ARHGEF38: variants seen among roughly 807,000 people sequenced by gnomAD.
The protein encoded by ARHGEF38 is Rho guanine nucleotide exchange factor 38, also known as Rho guanine nucleotide exchange factor (GEF) 38.
ARHGEF38 carries 79 observed loss-of-function variants against 79.9 expected under a neutral mutation model. The ratio of observed to expected loss-of-function variants is 0.99; its 90% confidence interval spans 0.82 to 1.19. ARHGEF38 has a LOEUF of 1.19. ARHGEF38 is among the 50% of genes most tolerant of loss of function. ARHGEF38 has a pLI of 0.00. For synonymous variants in ARHGEF38, 366 were observed against 328.3 expected (o/e 1.11, Z -1.24); for missense variants, 962 against 907.2 (o/e 1.06, Z -0.78).
chr4:105,634,453 G>A (rs181274001), intron 4 of ARHGEF38, among the ~76,000 whole-genome samples: 1 of 152,232 alleles, frequency 6.6e-6, no homozygotes, highest in East Asian at 1.9e-4. Context: ...GTGAAATACT[G>A]TATTAAAATA....
intron 10 of ARHGEF38, among the ~76,000 whole-genome samples, chr4:105,661,355 G>A (rs1255263915): frequency 6.6e-6 from 1 of 151,820 alleles, no homozygotes; most frequent in Non-Finnish European, 1.5e-5. Flanking sequence ...GGAATTTCTG[G>A]ATCATATGTT....
At chr4:105,612,060 A>G (rs1728317805) in intron 2 of ARHGEF38, among the ~76,000 whole-genome samples, 1 of 152,120 alleles carries the variant, frequency 6.6e-6, no homozygotes, top group South Asian at 2.1e-4. Context: ...ATGCTTCCAC[A>G]TTCAATGACA....
chr4:105,669,391 C>T (rs1730882403), intron 13 of ARHGEF38, among the ~76,000 whole-genome samples: 2 of 152,208 alleles, frequency 1.3e-5, no homozygotes, highest in Non-Finnish European at 1.5e-5. Context: ...AGGGGCTTGT[C>T]CATCTATTTT....
chr4:105,672,436 C>G (rs1730986370), intron 13 of ARHGEF38, among the ~76,000 whole-genome samples: 1 of 152,128 alleles, frequency 6.6e-6, no homozygotes, highest in Admixed American at 6.5e-5. Flanking sequence ...CCTGGCAGTA[C>G]TGATTTATAC....
chr4:105,586,875 C>A (rs942607147), intron 1 of ARHGEF38, among the ~76,000 whole-genome samples: 1 of 151,972 alleles, frequency 6.6e-6, no homozygotes, highest in South Asian at 2.1e-4. Context: ...GAGTAAAGGA[C>A]GTCCCTCACA....
chr4:105,618,141 A>G (rs1032728822), intron 3 of ARHGEF38, among the ~76,000 whole-genome samples: 1 of 152,228 alleles, frequency 6.6e-6, no homozygotes, highest in Middle Eastern at 3.2e-3. Flanking sequence ...TCTATTTACC[A>G]TAATTTCCTC....
At chr4:105,623,021 G>A (rs1172389992) in intron 3 of ARHGEF38, among the ~76,000 whole-genome samples, 1 of 152,138 alleles carries the variant, frequency 6.6e-6, no homozygotes, top group Non-Finnish European at 1.5e-5. Flanking sequence ...TAAGTAAATA[G>A]CAATGGATTC....
At chr4:105,600,884 T>C (rs1484193433) in intron 2 of ARHGEF38, among the ~76,000 whole-genome samples, 1 of 152,162 alleles carries the variant, frequency 6.6e-6, no homozygotes, top group East Asian at 1.9e-4. Flanking sequence ...ATCAGCAAAT[T>C]CTTTAGTTCT....
At chr4:105,559,723 CT>C (rs1479107655) in intron 1 of ARHGEF38, among the ~76,000 whole-genome samples, 1 of 151,992 alleles carries the variant, frequency 6.6e-6, no homozygotes, top group African/African-American at 2.4e-5. Flanking sequence ...TGTATCCTTG[CT>C]CCAGGTCCCA....
At chr4:105,666,151 C>T (rs202130394) in intron 10 of ARHGEF38, 26 bp from the exon 11 acceptor site, 73 of 1,495,942 alleles carry the variant, frequency 4.9e-5, no homozygotes, top group Admixed American at 6.8e-5. Flanking sequence ...TGTCTGGAAA[C>T]AATGCCATAT....
chr4:105,668,664 A>AGAT (rs1553950207), intron 13 of ARHGEF38, among the ~76,000 whole-genome samples: 7 of 55,776 alleles, frequency 1.3e-4, no homozygotes, highest in African/African-American at 4.1e-4. Context: ...GTATATGTGT[A>AGAT]GATAGATAGA....
In ARHGEF38 at chr4:105,644,326, T is replaced by A. The variant is rs549629256; in HGVS notation, c.675-862T>A. On this transcript the variant is annotated intron_variant, in intron 5 of 13. Coordinates refer to ENST00000420470, the MANE Select transcript of ARHGEF38 (RefSeq NM_001242729.2). Reference sequence around the variant, plus strand: ...CCTATTGGGATTTGAAAACAGTGTCTGTATTTCCTATCTACAGTGTATCTT... The same window carrying A: ...CCTATTGGGATTTGAAAACAGTGTCAGTATTTCCTATCTACAGTGTATCTT... Among the ~76,000 whole-genome samples the A allele has an allele frequency of 4.6e-5, 7 of 152,370 alleles. No individual in the cohort carries two copies. In the East Asian group the frequency reaches 1.3e-3, roughly 29 times the overall value.
intron 13 of ARHGEF38, among the ~76,000 whole-genome samples, chr4:105,677,294 A>G (rs537754400): frequency 6.6e-6 from 1 of 152,134 alleles, no homozygotes; most frequent in Admixed American, 6.5e-5. Context: ...AAATCTCCTT[A>G]GTATGAGGGT....
intron 1 of ARHGEF38, among the ~76,000 whole-genome samples, chr4:105,566,932 T>C (rs1725949672): frequency 6.6e-6 from 1 of 152,152 alleles, no homozygotes; most frequent in Non-Finnish European, 1.5e-5. Flanking sequence ...TTTGTATTTT[T>C]AGTAGAGACA....
chr4:105,574,549 C>CAA (rs749100591), intron 1 of ARHGEF38, among the ~76,000 whole-genome samples: 121 of 27,818 alleles, frequency 4.3e-3, no homozygotes, highest in African/African-American at 0.01. Context: ...GACTCCATCT[C>CAA]AAAAAAAAAA....
At chr4:105,612,794 CACTT>C (rs1173904761) in intron 2 of ARHGEF38, among the ~76,000 whole-genome samples, 4 of 152,188 alleles carry the variant, frequency 2.6e-5, no homozygotes, top group African/African-American at 9.6e-5. Flanking sequence ...TTATTATAAA[CACTT>C]GCTATAAGAT....
intron 1 of ARHGEF38, among the ~76,000 whole-genome samples, chr4:105,576,448 T>C (rs1471977692): frequency 6.6e-6 from 1 of 151,662 alleles, no homozygotes; most frequent in East Asian, 1.9e-4. Flanking sequence ...AGGGATTGAG[T>C]TCTTTATTTG....
intron 4 of ARHGEF38, among the ~76,000 whole-genome samples, chr4:105,635,762 A>C (rs533786095): frequency 6.6e-6 from 1 of 152,196 alleles, no homozygotes; most frequent in East Asian, 1.9e-4. Flanking sequence ...TTCTTTAAAC[A>C]GTCGTGAATA....
intron 2 of ARHGEF38, among the ~76,000 whole-genome samples, chr4:105,602,448 G>T (rs1326761924): frequency 6.6e-6 from 1 of 152,098 alleles, no homozygotes; most frequent in East Asian, 1.9e-4. Context: ...AGCTGATTTG[G>T]GGAAATAGGA....
Sources: gnomAD v4.1 joint callset for allele counts (sites outside exome capture counted in the v4.1 genomes callset) on GRCh38, gnomAD v4.1.1 for gene constraint, MANE v1.5 for transcripts, NCBI Gene and HGNC (gene_info 2026-07-23, HGNC 2026-07-21) for gene names.